The following KCNH8 variants were observed in gnomAD, a reference collection of about 807,000 sequenced individuals.
KCNH8 encodes the protein potassium voltage-gated channel subfamily H member 8, also known as voltage-gated delayed rectifier potassium channel KCNH8.
KCNH8 carries 70 observed loss-of-function variants against 103.6 expected under a neutral mutation model. The ratio of observed to expected loss-of-function variants is 0.68; its 90% CI spans 0.56 to 0.82. KCNH8 has a LOEUF of 0.82. Among genes scored for constraint, KCNH8 ranks in the 40% least tolerant of loss-of-function variants. The pLI, the probability that KCNH8 is intolerant of heterozygous loss-of-function variation, is 0.00. For missense variants in KCNH8, 1,217 were observed against 1,329.9 expected (o/e 0.92, Z 1.32); for synonymous variants, 498 against 489.4 (o/e 1.02, Z -0.23).
At chr3:19,371,959 C>T (rs916784194) in intron 5 of KCNH8, among the ~76,000 whole-genome samples, 5 of 151,038 alleles carry the variant, frequency 3.3e-5, no homozygotes, top group African/African-American at 7.3e-5. Flanking sequence ...CTGTTCTGTT[C>T]CATTGATCTA....
chr3:19,251,384 A>G (rs1390493949), intron 1 of KCNH8, among the ~76,000 whole-genome samples: 1 of 152,100 alleles, frequency 6.6e-6, no homozygotes, highest in African/African-American at 2.4e-5. Flanking sequence ...TCTCTAGCTC[A>G]TGCTTTCAGA....
At chr3:19,397,471 C>T (rs1341150143) in intron 7 of KCNH8, among the ~76,000 whole-genome samples, 3 of 151,134 alleles carry the variant, frequency 2.0e-5, no homozygotes, top group African/African-American at 7.3e-5. Context: ...AATAAACAAA[C>T]CCCAAAATGT....
intron 7 of KCNH8, among the ~76,000 whole-genome samples, chr3:19,401,346 C>A (rs2066610021): frequency 6.6e-6 from 1 of 152,036 alleles, no homozygotes; most frequent in African/African-American, 2.4e-5. Context: ...TTTCCACCGT[C>A]CTATACTTTT....
chr3:19,194,197 A>G (rs548893746), intron 1 of KCNH8, among the ~76,000 whole-genome samples: 1 of 151,848 alleles, frequency 6.6e-6, no homozygotes, highest in Non-Finnish European at 1.5e-5. Flanking sequence ...GCATTCAAAA[A>G]TAGTATTTTT....
chr3:19,405,348 A>G (rs2066675530), intron 7 of KCNH8, among the ~76,000 whole-genome samples: 1 of 151,892 alleles, frequency 6.6e-6, no homozygotes, highest in Non-Finnish European at 1.5e-5. Context: ...ATTATTTTAT[A>G]GAAATATCAA....
intron 11 of KCNH8, among the ~76,000 whole-genome samples, chr3:19,505,427 G>A (rs1279512177): frequency 1.3e-5 from 2 of 151,830 alleles, no homozygotes; most frequent in Admixed American, 6.6e-5. Flanking sequence ...CATAATAAAC[G>A]TGCACATGTA....
At chr3:19,425,072 T>G (rs1209216603) in intron 7 of KCNH8, among the ~76,000 whole-genome samples, 1 of 152,206 alleles carries the variant, frequency 6.6e-6, no homozygotes, top group Non-Finnish European at 1.5e-5. Context: ...CTGATTTTGA[T>G]ACCTTGAAAG....
At chr3:19,455,109 A>G (rs2067510865) in intron 10 of KCNH8, among the ~76,000 whole-genome samples, 1 of 152,096 alleles carries the variant, frequency 6.6e-6, no homozygotes. Flanking sequence ...GTCCAACCAT[A>G]AACTTGTTCT....
At chr3:19,158,040 T>C (rs1254935656) in intron 1 of KCNH8, among the ~76,000 whole-genome samples, 1 of 151,522 alleles carries the variant, frequency 6.6e-6, no homozygotes, top group Non-Finnish European at 1.5e-5. Context: ...TTTTTGTGGG[T>C]ACATAGTAGG....
rs534633990 is a variant in KCNH8, at chr3:19,414,119, A to G, written c.1177+18808A>G. On this transcript the variant is annotated intron_variant, in intron 7 of 15. Coordinates refer to ENST00000328405, the MANE Select transcript of KCNH8 (RefSeq NM_144633.3). ...CTGAGGTCTCCAAGAAAATGGGACA[A>G]TCGTCCCTCTACAGCTTAGACATTG... Among the ~76,000 whole-genome samples, 84 of 152,214 alleles carry G rather than the reference A, an allele frequency of 5.5e-4. 1 individual carries two copies. The highest frequency in any genetic ancestry group is 1.1e-3 in the Non-Finnish European group (75 of 67,966).
intron 7 of KCNH8, among the ~76,000 whole-genome samples, chr3:19,407,356 T>G (rs1397589309): frequency 6.6e-6 from 1 of 152,142 alleles, no homozygotes; most frequent in Non-Finnish European, 1.5e-5. Flanking sequence ...CTAGAGGGAT[T>G]TGGAGCCCCC....
intron 5 of KCNH8, among the ~76,000 whole-genome samples, chr3:19,355,271 T>C (rs1027624901): frequency 6.6e-6 from 1 of 152,158 alleles, no homozygotes; most frequent in African/African-American, 2.4e-5. Context: ...AGGAACACTT[T>C]TACACTGTTG....
intron 3 of KCNH8, among the ~76,000 whole-genome samples, chr3:19,300,295 T>C (rs2065049952): frequency 6.6e-6 from 1 of 151,492 alleles, no homozygotes; most frequent in Non-Finnish European, 1.5e-5. Context: ...ACAGGTGTTA[T>C]ATAAGTATGG....
chr3:19,186,642 T>C lies in KCNH8; in HGVS notation c.76+37847T>C, dbSNP rs150139756. Reference sequence around the variant, plus strand: ...AGAAAAATCGTAACTTTCATATAGATATAAAATAAACATGTTAAAGATTTT... The same window carrying C: ...AGAAAAATCGTAACTTTCATATAGACATAAAATAAACATGTTAAAGATTTT... On this transcript the variant is annotated intron_variant, in intron 1 of 15. Transcript: ENST00000328405. Among the ~76,000 whole-genome samples, 540 of 152,154 alleles carry C rather than the reference T, an allele frequency of 3.5e-3. 5 individuals carry two copies. Among genetic ancestry groups the C allele is most frequent in the African/African-American group, 0.012 (505 of 41,550 alleles).
At chr3:19,325,052 C>T (rs147084455) in intron 3 of KCNH8, among the ~76,000 whole-genome samples, 5 of 151,940 alleles carry the variant, frequency 3.3e-5, no homozygotes, top group African/African-American at 1.2e-4. Context: ...CTTAAGATCA[C>T]TAAGCTATGT....
At chr3:19,288,424 C>T (rs2125279552) in intron 3 of KCNH8, among the ~76,000 whole-genome samples, 1 of 151,250 alleles carries the variant, frequency 6.6e-6, no homozygotes, top group African/African-American at 2.4e-5. Flanking sequence ...TATTCCCCTT[C>T]CTGTATCCAT....
At chr3:19,270,668 T>C (rs1194923899) in intron 2 of KCNH8, among the ~76,000 whole-genome samples, 1 of 152,132 alleles carries the variant, frequency 6.6e-6, no homozygotes, top group Non-Finnish European at 1.5e-5. Context: ...GTCTGCCAAG[T>C]TGTGACTCAG....
chr3:19,186,325 A>T (rs1283881488), intron 1 of KCNH8, among the ~76,000 whole-genome samples: 2 of 151,410 alleles, frequency 1.3e-5, no homozygotes, highest in African/African-American at 4.8e-5. Flanking sequence ...GCAACGCACC[A>T]TTACTGAGCT....
chr3:19,387,028 G>C lies in KCNH8; in HGVS notation c.812-3453G>C, dbSNP rs191549063. On this transcript the variant is annotated intron_variant, in intron 5 of 15. Coordinates refer to ENST00000328405, the MANE Select transcript of KCNH8 (RefSeq NM_144633.3). ...TCTCTACAGTTCTCTTAAATGGAAGGAAATATTTATAAACATTGAGTTATC... is the reference window on the plus strand; with the variant it reads ...TCTCTACAGTTCTCTTAAATGGAAGCAAATATTTATAAACATTGAGTTATC... 4.1e-3 allele frequency among the ~76,000 whole-genome samples: 619 copies of C among 152,134 alleles called. 4 individuals carry two copies. Among genetic ancestry groups the C allele is most frequent in the South Asian group, 0.017 (82 of 4,820 alleles).
Sources: gnomAD v4.1 joint callset for allele counts (sites outside exome capture counted in the v4.1 genomes callset) on GRCh38, gnomAD v4.1.1 for gene constraint, MANE v1.5 for transcripts, NCBI Gene and HGNC (gene_info 2026-07-23, HGNC 2026-07-21) for gene names.